The following TBXAS1 variants were observed in gnomAD, a reference collection of about 807,000 sequenced individuals.
TBXAS1 encodes thromboxane A synthase 1.
A neutral mutation model predicts 60.7 loss-of-function variants in TBXAS1; 48 were observed. The observed-to-expected ratio is 0.79, with a 90% CI of 0.63 to 1.01. The LOEUF is 1.01. Among genes scored for constraint, TBXAS1 ranks in the 50% least tolerant of loss-of-function variants. The probability of loss-of-function intolerance (pLI) is 0.00; values close to 1 mark genes in which losing one functional copy is unlikely to be tolerated. For synonymous variants in TBXAS1, 287 were observed against 269.7 expected, an observed-to-expected ratio of 1.06 and a Z score of -0.63; for missense variants, 685 against 686.3, an observed-to-expected ratio of 1.00 and a Z score of 0.02.
chr7:139,921,797 C>T lies in TBXAS1; in HGVS notation c.333+10476C>T, dbSNP rs1806492381. On this transcript the variant is annotated intron_variant, in intron 4 of 12. Transcript: ENST00000448866. ...AAACATATAGGTTTCCAGTTTTTTG[C>T]TATTATGAATTAGGTTGTTATATCA... is the stretch of plus-strand genomic sequence containing the variant. Among the ~76,000 whole-genome samples the T allele has an allele frequency of 2.0e-5, 3 of 152,244 alleles. No individual in the cohort carries two copies. The South Asian group carries it at 6.2e-4, about 32-fold the overall frequency.
In TBXAS1 at chr7:139,963,734, CAAAACA is replaced by C. The variant is rs561879229; in HGVS notation, c.1134+1512_1134+1517del. Among the ~76,000 whole-genome samples the C allele has an allele frequency of 3.4e-3, 513 of 152,092 alleles. 1 individual carries two copies. The highest frequency in any genetic ancestry group is 4.8e-3 in the Non-Finnish European group (327 of 67,984). On this transcript the variant is annotated intron_variant, in intron 9 of 12. Coordinates refer to ENST00000448866, the MANE Select transcript of TBXAS1 (RefSeq NM_001061.7). ...AGAACCCCAACCCAACTGATTTAAG[CAAAACA>C]AAAACAAAAAGTAAAAACAAACAAA... is the stretch of plus-strand genomic sequence containing the variant.
chr7:139,969,455 T>TA (rs1811031948), intron 9 of TBXAS1, among the ~76,000 whole-genome samples: 1 of 18,752 alleles, frequency 5.3e-5, no homozygotes, highest in African/African-American at 1.9e-4. Flanking sequence ...ATTATGTGCT[T>TA]ACAAAAAAAA....
intron 4 of TBXAS1, among the ~76,000 whole-genome samples, chr7:139,928,647 G>A (rs541863400): frequency 6.6e-6 from 1 of 152,170 alleles, no homozygotes; most frequent in Non-Finnish European, 1.5e-5. Context: ...GATTAATAGA[G>A]TTTTATTTGT....
Position 139,999,446 on chromosome 7 carries a change from C to G in TBXAS1, c.1135-7645C>G, listed in dbSNP as rs1421728257. Among the ~76,000 whole-genome samples, 1 of 152,162 alleles carries G rather than the reference C, an allele frequency of 6.6e-6. No homozygotes were observed. Among genetic ancestry groups the G allele is most frequent in the African/African-American group, 2.4e-5 (1 of 41,430 alleles). ...GGCTGACGCATGAGACTCGCTTGAA[C>G]CCGGGAGGTGGAGGTTGCAGTGAGC... On this transcript the variant is annotated intron_variant, in intron 9 of 12. Coordinates refer to ENST00000448866, the MANE Select transcript of TBXAS1 (RefSeq NM_001061.7). The surrounding 1 kb of genome is among the most constrained non-coding windows in gnomAD (Gnocchi z 4.3).
At chr7:139,885,412 T>C (rs1803011785) in intron 3 of TBXAS1, among the ~76,000 whole-genome samples, 1 of 152,220 alleles carries the variant, frequency 6.6e-6, no homozygotes, top group African/African-American at 2.4e-5. Context: ...AAATGCATAA[T>C]AGAGTATGTA....
intron 9 of TBXAS1, among the ~76,000 whole-genome samples, chr7:139,991,146 G>C (rs1471494057): frequency 6.6e-6 from 1 of 152,226 alleles, no homozygotes; most frequent in East Asian, 1.9e-4. Flanking sequence ...TGGCACGGCT[G>C]TGATGGAACT....
At chr7:140,018,037 CTGTGAGG>C (rs1253935200) in intron 12 of TBXAS1, among the ~76,000 whole-genome samples, 1 of 152,220 alleles carries the variant, frequency 6.6e-6, no homozygotes, top group Non-Finnish European at 1.5e-5. Context: ...TCTCAACATC[CTGTGAGG>C]ATCCAGTGAG....
intron 5 of TBXAS1, among the ~76,000 whole-genome samples, chr7:139,944,124 G>A (rs1170685927): frequency 6.6e-6 from 1 of 152,210 alleles, no homozygotes; most frequent in Non-Finnish European, 1.5e-5. Flanking sequence ...TACCAATCGT[G>A]GAAGGTGGTG....
chr7:139,914,199 T>A lies in TBXAS1; in HGVS notation c.333+2878T>A, dbSNP rs1285318994. On this transcript the variant is annotated intron_variant, in intron 4 of 12. Coordinates refer to ENST00000448866, the MANE Select transcript of TBXAS1 (RefSeq NM_001061.7). ...TGTGTGCCACCATGCCTGGCTAATT[T>A]TAAAAAAAAAAAATTTGGCAGAGAT... Among the ~76,000 whole-genome samples, 7 of 150,926 alleles carry A rather than the reference T, an allele frequency of 4.6e-5. No individual in the cohort carries two copies. In the East Asian group the frequency reaches 1.4e-3, roughly 29 times the overall value.
intron 4 of TBXAS1, chr7:139,913,135 T>C: frequency 1.4e-6 from 1 of 702,882 alleles, no homozygotes; most frequent in East Asian, 2.7e-5. Flanking sequence ...GGGAGGCGGC[T>C]GGCCTGCTAC....
chr7:139,821,665 C>T (rs891588222), intron 4 of TBXAS1, among the ~76,000 whole-genome samples: 3 of 152,226 alleles, frequency 2.0e-5, no homozygotes, highest in East Asian at 1.9e-4. Context: ...TCCTCTTCCC[C>T]GTGGGACCCA....
chr7:139,787,097 C>T (rs1797224116), intron 3 of TBXAS1, among the ~76,000 whole-genome samples: 1 of 152,176 alleles, frequency 6.6e-6, no homozygotes, highest in Non-Finnish European at 1.5e-5. Context: ...TTATCACAGT[C>T]TGTGTATAGA....
chr7:140,003,603 C>T lies in TBXAS1; in HGVS notation c.1135-3488C>T, dbSNP rs554141336. Among the ~76,000 whole-genome samples, 9 of 152,142 alleles carry T rather than the reference C, an allele frequency of 5.9e-5. No individual in the cohort carries two copies. The East Asian group carries it at 1.4e-3, about 23-fold the overall frequency. On this transcript the variant is annotated intron_variant, in intron 9 of 12. Transcript: ENST00000448866. The stretch of plus-strand genomic sequence containing the variant: ...GACTTTGATTTTCTAATACAAAATT[C>T]GCTTAGCCTATCTTTAAAAATTTTC...
At chr7:139,899,264 T>A (rs1277423428) in intron 3 of TBXAS1, among the ~76,000 whole-genome samples, 1 of 151,976 alleles carries the variant, frequency 6.6e-6, no homozygotes, top group Non-Finnish European at 1.5e-5. Context: ...TTTGGCTGGG[T>A]CATTTGGACA....
Position 139,895,575 on chromosome 7 carries a change from T to G in TBXAS1, c.237-15650T>G, listed in dbSNP as rs114173869. On this transcript the variant is annotated intron_variant, in intron 3 of 12. Coordinates refer to ENST00000448866, the MANE Select transcript of TBXAS1 (RefSeq NM_001061.7). Reference sequence around the variant, plus strand: ...TGACATGGATCTCAGCAGCTGAGGCTGGCCCTGAAGGAGCTAACAGCTGGA... The same window carrying G: ...TGACATGGATCTCAGCAGCTGAGGCGGGCCCTGAAGGAGCTAACAGCTGGA... Among the ~76,000 whole-genome samples the G allele has an allele frequency of 3.9e-3, 600 of 152,354 alleles. 7 individuals carry two copies. The highest frequency in any genetic ancestry group is 5.1e-3 in the Non-Finnish European group (344 of 68,030).
At chr7:139,824,937 C>T, upstream of TBXAS1, among the ~76,000 whole-genome samples, 1 of 148,250 alleles carries the variant, frequency 6.7e-6, no homozygotes, top group Non-Finnish European at 1.5e-5. Flanking sequence ...TCAAATGATT[C>T]TCCTGCCTCA....
intron 9 of TBXAS1, among the ~76,000 whole-genome samples, chr7:140,005,989 T>G (rs1034013561): frequency 1.3e-5 from 2 of 152,216 alleles, no homozygotes; most frequent in African/African-American, 2.4e-5. Context: ...GGCCAGTGGC[T>G]GCTCCAGGGC....
intron 9 of TBXAS1, among the ~76,000 whole-genome samples, chr7:139,969,782 C>A (rs756359286): frequency 2.0e-5 from 3 of 152,046 alleles, no homozygotes; most frequent in Non-Finnish European, 4.4e-5. Context: ...TCAATTCAGT[C>A]CCCCAGCCAC....
intron 4 of TBXAS1, among the ~76,000 whole-genome samples, chr7:139,925,774 G>A (rs1346587923): frequency 3.3e-5 from 5 of 152,190 alleles, no homozygotes; most frequent in Admixed American, 3.3e-4. Flanking sequence ...GATACTAGCT[G>A]TGGGTCTGTT....
Sources: allele counts gnomAD v4.1 joint callset (sites outside exome capture counted in the v4.1 genomes callset), GRCh38; gene constraint gnomAD v4.1.1; non-coding constraint Gnocchi (gnomAD v3.1); transcripts MANE v1.5; gene names NCBI Gene and HGNC (gene_info 2026-07-23, HGNC 2026-07-21).